Variants in KCNMB2 observed in about 807,000 individuals in gnomAD.
The protein encoded by KCNMB2 is potassium calcium-activated channel subfamily M regulatory beta subunit 2.
In KCNMB2, 9 loss-of-function variants were observed where a neutral mutation model predicts 24.5. That is an observed-to-expected ratio of 0.37 (90% CI 0.22 to 0.64). KCNMB2 has a LOEUF of 0.64. Among genes scored for constraint, KCNMB2 ranks in the 30% least tolerant of loss-of-function variants. KCNMB2 has a pLI of 0.63. For synonymous variants in KCNMB2, 109 were observed against 104.4 expected (o/e 1.04, Z -0.27); for missense variants, 226 against 284.3 (o/e 0.79, Z 1.47).
intron 1 of KCNMB2, among the ~76,000 whole-genome samples, chr3:178,672,795 G>GCCTTTTCCAAA (rs999235004): frequency 7.9e-5 from 12 of 152,052 alleles, no homozygotes; most frequent in African/African-American, 2.9e-4. Context: ...CAAAACTCTG[G>GCCTTTTCCAAA]CCTTTTCATT....
intron 1 of KCNMB2, among the ~76,000 whole-genome samples, chr3:178,608,577 A>G (rs966671289): frequency 1.3e-5 from 2 of 152,192 alleles, no homozygotes; most frequent in African/African-American, 4.8e-5. Context: ...TTAAGTTATC[A>G]TTGACAATAA....
chr3:178,821,009 A>G (rs1021309567), intron 2 of KCNMB2, among the ~76,000 whole-genome samples: 10 of 151,832 alleles, frequency 6.6e-5, no homozygotes, highest in African/African-American at 2.4e-4. Flanking sequence ...AAACTTATAA[A>G]GTCAAATTCC....
At position 178,757,840 on chromosome 3, in the gene KCNMB2, GATATATATATCCAAGAGGATAC is replaced by G. The variant is rs759458385; in HGVS notation, c.-67-49437_-67-49416del. On this transcript the variant is annotated intron_variant, in intron 1 of 4. Coordinates refer to ENST00000452583, the MANE Select transcript of KCNMB2 (RefSeq NM_181361.3). The stretch of plus-strand genomic sequence containing the variant: ...ATATATATACACATCCATCCAAGAG[GATATATATATCCAAGAGGATAC>G]ATATATATATCCAAGAGGATACATA... Among the ~76,000 whole-genome samples the G allele has an allele frequency of 9.6e-3, 134 of 13,952 alleles. 7 individuals are homozygous for G. The highest frequency in any genetic ancestry group is 0.047 in the South Asian group (21 of 444). 9.2% of individuals were successfully genotyped at this position (13,952 alleles called of 152,430 possible).
intron 1 of KCNMB2, among the ~76,000 whole-genome samples, chr3:178,600,468 T>C (rs1334594584): frequency 6.6e-6 from 1 of 152,230 alleles, no homozygotes; most frequent in African/African-American, 2.4e-5. Flanking sequence ...CTGTTTTTAA[T>C]TTTTTAAGGA....
chr3:178,607,868 A>G (rs1162126378), intron 1 of KCNMB2, among the ~76,000 whole-genome samples: 1 of 152,178 alleles, frequency 6.6e-6, no homozygotes, highest in African/African-American at 2.4e-5. Context: ...GAACAGATCA[A>G]TTTTTATGGG....
intron 1 of KCNMB2, among the ~76,000 whole-genome samples, chr3:178,801,269 T>C (rs1007276113): frequency 9.9e-5 from 15 of 152,140 alleles, no homozygotes; most frequent in Admixed American, 9.2e-4. Flanking sequence ...ACCCATTGTA[T>C]GCCTGTATCA....
chr3:178,610,381 T>G lies in KCNMB2; in HGVS notation c.-68+73670T>G, dbSNP rs190715086. 1.3e-4 allele frequency among the ~76,000 whole-genome samples: 20 copies of G among 152,318 alleles called. 2 individuals carry two copies. The highest frequency in any genetic ancestry group is 4.8e-4 in the African/African-American group (20 of 41,582). ...TAACAATATTGATTCTTTCAATACA[T>G]GAACATGAAATATTTTTCCATTTTT... On this transcript the variant is annotated intron_variant, in intron 1 of 4. Transcript: ENST00000452583.
chr3:178,820,223 A>T (rs1170949136), intron 2 of KCNMB2, among the ~76,000 whole-genome samples: 1 of 152,182 alleles, frequency 6.6e-6, no homozygotes, highest in African/African-American at 2.4e-5. Flanking sequence ...GCTTTTTGGG[A>T]ATTAGCCATT....
chr3:178,755,791 G>T (rs1724011733), intron 1 of KCNMB2, among the ~76,000 whole-genome samples: 1 of 152,078 alleles, frequency 6.6e-6, no homozygotes, highest in African/African-American at 2.4e-5. Context: ...TTTCTGAGTT[G>T]CACTCAAACA....
intron 1 of KCNMB2, among the ~76,000 whole-genome samples, chr3:178,753,728 A>G (rs2096043424): frequency 6.6e-6 from 1 of 152,240 alleles, no homozygotes; most frequent in South Asian, 2.1e-4. Context: ...ATATGTATGC[A>G]CTGTGGAAAA....
rs9880052 is a variant in KCNMB2, at chr3:178,668,480, G to A, written c.-68+131769G>A. ...TGTGAAATTTTTCAGGACATGAAAC[G>A]TAGGATCATCTTTAAAATTATAACC... On this transcript the variant is annotated intron_variant, in intron 1 of 4. Coordinates refer to ENST00000452583, the MANE Select transcript of KCNMB2 (RefSeq NM_181361.3). Among the ~76,000 whole-genome samples the A allele has an allele frequency of 6.7e-3, 1,014 of 152,232 alleles. 11 individuals carry two copies. Among genetic ancestry groups the A allele is most frequent in the African/African-American group, 0.023 (945 of 41,546 alleles).
At chr3:178,684,848 G>A (rs1435853430) in intron 1 of KCNMB2, among the ~76,000 whole-genome samples, 1 of 152,112 alleles carries the variant, frequency 6.6e-6, no homozygotes, top group African/African-American at 2.4e-5. Context: ...TAAATAAATA[G>A]TGTGTTATTT....
chr3:178,650,957 T>C (rs1720094398), intron 1 of KCNMB2, among the ~76,000 whole-genome samples: 1 of 152,198 alleles, frequency 6.6e-6, no homozygotes, highest in Non-Finnish European at 1.5e-5. Flanking sequence ...AATATCATAT[T>C]GAATGGGCAA....
chr3:178,716,464 G>C (rs1722622533), intron 1 of KCNMB2, among the ~76,000 whole-genome samples: 1 of 134,824 alleles, frequency 7.4e-6, no homozygotes. Context: ...TTTTTTTTGA[G>C]ATGGAATCTT....
At chr3:178,811,681 T>C (rs576661000) in intron 2 of KCNMB2, among the ~76,000 whole-genome samples, 13 of 152,316 alleles carry the variant, frequency 8.5e-5, no homozygotes, top group African/African-American at 2.6e-4. Context: ...TTCTTCTACA[T>C]GTCTCTTTGT....
intron 1 of KCNMB2, among the ~76,000 whole-genome samples, chr3:178,698,059 G>T (rs1394544450): frequency 6.6e-6 from 1 of 152,162 alleles, no homozygotes; most frequent in Non-Finnish European, 1.5e-5. Flanking sequence ...AGATGTTGGA[G>T]AATCATGATT....
At chr3:178,570,633 T>C (rs905906506) in intron 1 of KCNMB2, among the ~76,000 whole-genome samples, 1 of 151,488 alleles carries the variant, frequency 6.6e-6, no homozygotes, top group Non-Finnish European at 1.5e-5. Flanking sequence ...TCACTAGCTA[T>C]TGTGGAGAGA....
At chr3:178,723,735 G>A (rs1162966534) in intron 1 of KCNMB2, among the ~76,000 whole-genome samples, 1 of 152,148 alleles carries the variant, frequency 6.6e-6, no homozygotes, top group Non-Finnish European at 1.5e-5. Flanking sequence ...ATGAGAATAT[G>A]TGGTACTTTA....
At chr3:178,683,870 G>C (rs1335066940) in intron 1 of KCNMB2, among the ~76,000 whole-genome samples, 1 of 152,162 alleles carries the variant, frequency 6.6e-6, no homozygotes, top group Non-Finnish European at 1.5e-5. Context: ...AATGTAGATA[G>C]GTGCAGCCAT....
Sources: allele counts gnomAD v4.1 joint callset (sites outside exome capture counted in the v4.1 genomes callset), GRCh38; gene constraint gnomAD v4.1.1; transcripts MANE v1.5; gene names NCBI Gene and HGNC (gene_info 2026-07-23, HGNC 2026-07-21).